Variants in OLFM3 observed in about 807,000 individuals in gnomAD.
The protein encoded by OLFM3 is noelin-3.
A neutral mutation model predicts 48.6 loss-of-function variants in OLFM3; 20 were observed. That is an observed-to-expected ratio of 0.41 (90% confidence interval 0.29 to 0.60). The LOEUF (loss-of-function observed/expected upper bound fraction) is 0.60, where lower values mean the gene tolerates loss of function less well. OLFM3 is among the 20% of genes least tolerant of loss of function. The probability of loss-of-function intolerance (pLI) is 0.28; values close to 1 mark genes in which losing one functional copy is unlikely to be tolerated. For synonymous variants in OLFM3, 222 were observed against 198.1 expected, an observed-to-expected ratio of 1.12 and a Z score of -1.01; for missense variants, 437 against 544.3, an observed-to-expected ratio of 0.80 and a Z score of 1.96.
Position 101,874,459 on chromosome 1 carries a change from T to C in OLFM3, c.70-37434A>G, listed in dbSNP as rs1480548448. Among the ~76,000 whole-genome samples, 3 of 151,036 alleles carry C rather than the reference T, an allele frequency of 2.0e-5. No individual in the cohort carries two copies. In the East Asian group the frequency reaches 5.8e-4, roughly 29 times the overall value. Reference sequence around the variant, plus strand: ...GTTGCTATGGTCAATTTCTTTTCTGTATCTTTACAGTATAATAAGAATTCT... The same window carrying C: ...GTTGCTATGGTCAATTTCTTTTCTGCATCTTTACAGTATAATAAGAATTCT... On this transcript the variant is annotated intron_variant, in intron 1 of 5. Transcript: ENST00000370103.
At chr1:101,933,309 A>T (rs577140791) in intron 1 of OLFM3, among the ~76,000 whole-genome samples, 2 of 151,946 alleles carry the variant, frequency 1.3e-5, no homozygotes, top group Non-Finnish European at 2.9e-5. Context: ...CAATAATTTC[A>T]GAATACGATC....
chr1:101,883,735 T>C (rs1005311313), intron 1 of OLFM3, among the ~76,000 whole-genome samples: 14 of 152,014 alleles, frequency 9.2e-5, no homozygotes, highest in African/African-American at 1.9e-4. Flanking sequence ...TTATTATATC[T>C]ACTTACATAC....
chr1:101,938,885 T>C lies in OLFM3; in HGVS notation c.69+57863A>G, dbSNP rs557478814. Among the ~76,000 whole-genome samples, 2 of 152,186 alleles carry C rather than the reference T, an allele frequency of 1.3e-5. 1 individual carries two copies. Among genetic ancestry groups the C allele is most frequent in the South Asian group, 4.1e-4 (2 of 4,834 alleles). ...CATGTTTGCTAGGATAAATCCCAGA[T>C]GGTTTGTGTGTCTCTATCTAGGGCA... On this transcript the variant is annotated intron_variant, in intron 1 of 5. Coordinates refer to ENST00000370103, the MANE Select transcript of OLFM3 (RefSeq NM_058170.4).
At chr1:101,979,901 A>G (rs935849040) in intron 1 of OLFM3, among the ~76,000 whole-genome samples, 1 of 152,240 alleles carries the variant, frequency 6.6e-6, no homozygotes, top group Non-Finnish European at 1.5e-5. Context: ...CTGCAAAGCC[A>G]CAGGGGTGGA....
intron 1 of OLFM3, among the ~76,000 whole-genome samples, chr1:101,847,995 C>A (rs544772651): frequency 1.3e-5 from 2 of 152,208 alleles, no homozygotes; most frequent in South Asian, 4.2e-4. Flanking sequence ...TCCAAGGTCC[C>A]TTCCAGCTCT....
At chr1:101,818,765 C>A (rs964230354) in intron 4 of OLFM3, among the ~76,000 whole-genome samples, 1 of 152,112 alleles carries the variant, frequency 6.6e-6, no homozygotes, top group Non-Finnish European at 1.5e-5. Flanking sequence ...TTTTCCTTCC[C>A]CCCAAAAGCT....
At chr1:101,962,044 A>G (rs543673408) in intron 1 of OLFM3, among the ~76,000 whole-genome samples, 1 of 152,264 alleles carries the variant, frequency 6.6e-6, no homozygotes, top group South Asian at 2.1e-4. Context: ...TTTTTTAAGA[A>G]CAATTTCCGC....
intron 4 of OLFM3, among the ~76,000 whole-genome samples, chr1:101,823,933 A>G (rs1654725368): frequency 6.7e-6 from 1 of 150,158 alleles, no homozygotes; most frequent in South Asian, 2.1e-4. Flanking sequence ...AATTTCCCAC[A>G]CTATTTTGAG....
At chr1:101,932,664 A>C (rs540522135) in intron 1 of OLFM3, among the ~76,000 whole-genome samples, 9 of 152,332 alleles carry the variant, frequency 5.9e-5, no homozygotes, top group African/African-American at 1.7e-4. Context: ...CATGGAAAGA[A>C]TAGCAACTCC....
At chr1:101,860,668 A>C (rs1656616972) in intron 1 of OLFM3, among the ~76,000 whole-genome samples, 1 of 152,046 alleles carries the variant, frequency 6.6e-6, no homozygotes, top group Admixed American at 6.5e-5. Flanking sequence ...AACTTCATGA[A>C]ATCATGTATG....
At chr1:101,816,505 T>G (rs1393076397) in intron 4 of OLFM3, among the ~76,000 whole-genome samples, 2 of 152,208 alleles carry the variant, frequency 1.3e-5, no homozygotes, top group African/African-American at 4.8e-5. Flanking sequence ...TGTCTGTTTT[T>G]ACTCCCATCA....
chr1:101,992,882 C>T (rs972643114), intron 1 of OLFM3, among the ~76,000 whole-genome samples: 20 of 152,030 alleles, frequency 1.3e-4, no homozygotes, highest in African/African-American at 4.1e-4. Context: ...GCCTGGGTTG[C>T]CTTGGACAGA....
At chr1:101,877,158 T>C (rs557986829) in intron 1 of OLFM3, among the ~76,000 whole-genome samples, 23 of 150,024 alleles carry the variant, frequency 1.5e-4, no homozygotes, top group Admixed American at 6.0e-4. Context: ...CTATAAATGA[T>C]ACAAACCATG....
At chr1:101,905,256 G>T (rs900256555) in intron 1 of OLFM3, among the ~76,000 whole-genome samples, 1 of 152,132 alleles carries the variant, frequency 6.6e-6, no homozygotes, top group African/African-American at 2.4e-5. Flanking sequence ...CCCCAGTTTT[G>T]AAGCAGTGAG....
At chr1:101,903,921 A>G (rs1222787032) in intron 1 of OLFM3, among the ~76,000 whole-genome samples, 1 of 152,032 alleles carries the variant, frequency 6.6e-6, no homozygotes, top group African/African-American at 2.4e-5. Context: ...ATTGTGTTTG[A>G]TTTATTAATA....
intron 1 of OLFM3, among the ~76,000 whole-genome samples, chr1:101,918,640 C>T (rs747470779): frequency 8.0e-5 from 12 of 150,646 alleles, no homozygotes; most frequent in Non-Finnish European, 1.5e-4. Flanking sequence ...ACCTCTCCAT[C>T]TCAAAATCCT....
intron 1 of OLFM3, among the ~76,000 whole-genome samples, chr1:101,857,452 GTA>G (rs1324068278): frequency 6.6e-6 from 1 of 151,870 alleles, no homozygotes; most frequent in East Asian, 1.9e-4. Flanking sequence ...TAAATCTAGT[GTA>G]GAGGCTTCTT....
chr1:101,934,130 T>C (rs1203008598), intron 1 of OLFM3, among the ~76,000 whole-genome samples: 2 of 152,006 alleles, frequency 1.3e-5, no homozygotes, highest in African/African-American at 2.4e-5. Flanking sequence ...TAACCTTGAA[T>C]GCAAACAGGC....
At chr1:101,814,129 C>A (rs146923179) in intron 4 of OLFM3, among the ~76,000 whole-genome samples, 1 of 152,062 alleles carries the variant, frequency 6.6e-6, no homozygotes, top group Non-Finnish European at 1.5e-5. Flanking sequence ...CTTATTTTTA[C>A]CTGGTTTTGT....
Sources: gnomAD v4.1 joint callset for allele counts (sites outside exome capture counted in the v4.1 genomes callset) on GRCh38, gnomAD v4.1.1 for gene constraint, MANE v1.5 for transcripts, NCBI Gene and HGNC (gene_info 2026-07-23, HGNC 2026-07-21) for gene names.